The following MIGA2 variants were observed in gnomAD, a reference collection of about 807,000 sequenced individuals.
MIGA2 encodes the protein mitoguardin 2, also known as family with sequence similarity 73, member B.
Under a neutral mutation model 69.9 loss-of-function variants are expected in MIGA2, and 36 were observed. That is an observed-to-expected ratio of 0.52 (90% CI 0.39 to 0.68). The LOEUF (loss-of-function observed/expected upper bound fraction) is 0.68, where lower values mean the gene tolerates loss of function less well. MIGA2 is among the 30% of genes least tolerant of loss of function. The probability of loss-of-function intolerance (pLI) is 0.00; values close to 1 mark genes in which losing one functional copy is unlikely to be tolerated. For missense variants in MIGA2, 660 were observed against 787.7 expected (o/e 0.84, Z 1.94); for synonymous variants, 333 against 349.2 (o/e 0.95, Z 0.52).
Position 129,063,607 on chromosome 9 carries a change from A to G in MIGA2, c.1146A>G (p.Thr382=), listed in dbSNP as rs1178408205. Residue 382 remains threonine, a synonymous_variant, in exon 11 of 16, where the codon ACA becomes ACG. Transcript: ENST00000684074. Reference sequence around the variant, plus strand: ...GGAAAGTGGGCCGACAGATGGTGACAGGCCTGATGACCAAGGCTGAGAAGG... The same window carrying G: ...GGAAAGTGGGCCGACAGATGGTGACGGGCCTGATGACCAAGGCTGAGAAGG... The part of the protein sequence containing the change: ...FFGKVGRQMV[T]GLMTKAEKSP... The G allele has an allele frequency of 1.5e-6, 2 of 1,350,336 alleles. No individual in the cohort carries two copies. Among genetic ancestry groups the G allele is most frequent in the African/African-American group, 1.7e-5 (1 of 58,824 alleles). The allele number at this position is 1,350,336 out of a possible 1,614,324, so 83.6% of individuals were successfully genotyped here.
At chr9:129,043,193 CA>C (rs369584721) in intron 3 of MIGA2, among the ~76,000 whole-genome samples, 186 of 130,750 alleles carry the variant, frequency 1.4e-3, no homozygotes, top group African/African-American at 1.3e-3. Context: ...GACTCCGTCT[CA>C]AAAAAAAAAA....
At position 129,040,570 on chromosome 9, in the gene MIGA2, CT is replaced by C; in HGVS notation, c.-22del. The C allele has an allele frequency of 6.2e-7, 1 of 1,602,592 alleles. No homozygotes were observed. Among genetic ancestry groups the C allele is most frequent in the Non-Finnish European group, 8.5e-7 (1 of 1,171,922 alleles). ...CCTTGGAAGCTCTTGGCCCTGAGGA[CT>C]TTGCCTGGGGCATTGGCCCTGCCAT... On this transcript the variant is annotated 5_prime_UTR_variant, in exon 2 of 16. Transcript: ENST00000684074.
At chr9:129,042,640 G>C in intron 3 of MIGA2, 126 bp downstream of exon 3, 1 of 979,334 alleles carries the variant, frequency 1.0e-6, no homozygotes, top group South Asian at 1.6e-5. Context: ...AAGGTCTCCT[G>C]ATCTGTGAGC....
rs1845954180 is a variant in MIGA2, at chr9:129,059,432, T to C, written c.793+161T>C. Among the ~76,000 whole-genome samples, 1 of 152,162 alleles carries C rather than the reference T, an allele frequency of 6.6e-6. No homozygotes were observed. Among genetic ancestry groups the C allele is most frequent in the African/African-American group, 2.4e-5 (1 of 41,430 alleles). ...GTGATCCAGCACCTTATGGCACAGA[T>C]GGGGAAACTGAGGTGTTCCCTTCTC... On this transcript the variant is annotated intron_variant, in intron 7 of 15. Coordinates refer to ENST00000684074, the MANE Select transcript of MIGA2 (RefSeq NM_001329990.2). This position sits in a 1 kb window ranked among gnomAD's most constrained non-coding sequence, Gnocchi z 5.6.
intron 6 of MIGA2, among the ~76,000 whole-genome samples, chr9:129,058,649 G>A (rs1043941569): frequency 6.6e-6 from 1 of 151,710 alleles, no homozygotes; most frequent in Non-Finnish European, 1.5e-5. Flanking sequence ...ATAGACACCC[G>A]CCACCACACC....
rs1455286429 is a variant in MIGA2 at position 129,055,741 on chromosome 9, C to T, written c.676-3413C>T. Among the ~76,000 whole-genome samples the T allele has an allele frequency of 2.0e-5, 3 of 151,598 alleles. No individual in the cohort carries two copies. The East Asian group carries it at 5.8e-4, about 29-fold the overall frequency. ...GCGGGCACCTGTAGTCCCAGCTACT[C>T]AGGAGGCTGAGGCAGGAGAATGGCA... On this transcript the variant is annotated intron_variant, in intron 6 of 15. Coordinates refer to ENST00000684074, the MANE Select transcript of MIGA2 (RefSeq NM_001329990.2).
chr9:129,068,445 T>C lies in MIGA2; in HGVS notation c.1404+113T>C. 6.9e-7 allele frequency: 1 copy of C among 1,441,970 alleles called. No individual in the cohort carries two copies. Among genetic ancestry groups the C allele is most frequent in the East Asian group, 2.5e-5 (1 of 40,588 alleles). The allele number at this position is 1,441,970 out of a possible 1,614,324, so 89.3% of individuals were successfully genotyped here. On this transcript the variant is annotated intron_variant, in intron 13 of 15. Transcript: ENST00000684074. The surrounding 1 kb of genome is among the most constrained non-coding windows in gnomAD (Gnocchi z 4.1). ...GCACCAGGGCTGGGCCCCCACCCCC[T>C]AGATCCGCGGCTGCCAGGCCTGGGA...
chr9:129,060,660 G>C lies in MIGA2; in HGVS notation c.894+10G>C, dbSNP rs1336768516. The C allele has an allele frequency of 5.1e-6, 8 of 1,571,482 alleles. No homozygotes were observed. Among genetic ancestry groups the C allele is most frequent in the Non-Finnish European group, 6.0e-6 (7 of 1,157,646 alleles). ...CTTCTCCGCCACCGAGGTGACTCGG[G>C]GTGGGGACCAAGCCTGGGGTGGGGT... is the stretch of plus-strand genomic sequence containing the variant. On this transcript the variant is annotated intron_variant, in intron 8 of 15. Coordinates refer to ENST00000684074, the MANE Select transcript of MIGA2 (RefSeq NM_001329990.2). This position sits in a 1 kb window ranked among gnomAD's most constrained non-coding sequence, Gnocchi z 4.8.
chr9:129,063,755 G>A (rs1846192711), intron 11 of MIGA2, 124 bp downstream of exon 11: 1 of 858,276 alleles, frequency 1.2e-6, no homozygotes, highest in South Asian at 1.7e-5. Flanking sequence ...ACTCCGTTCT[G>A]TAGACTCTGC....
chr9:129,042,390 T>C lies in MIGA2; in HGVS notation c.183T>C (p.Ala61=). Residue 61 remains alanine, a synonymous_variant, in exon 3 of 16, where the codon GCT becomes GCC. Coordinates refer to ENST00000684074, the MANE Select transcript of MIGA2 (RefSeq NM_001329990.2). ...TGGGGACTGTGGCCCTGGCCCTGGC[T>C]GCCCACCAGCTGAAGAGGCGACGGA... ...TALGTVALAL[A]AHQLKRRRRR... is the part of the protein sequence containing the mutation. The C allele has an allele frequency of 6.2e-7, 1 of 1,613,838 alleles. No homozygotes were observed. The highest frequency in any genetic ancestry group is 8.5e-7 in the Non-Finnish European group (1 of 1,180,042).
rs764004271 is a variant in MIGA2, at chr9:129,061,284, C to T, written c.948C>T (p.Ala316=). The change falls in exon 9 of 16, where the codon GCC becomes GCT. Residue 316 remains alanine (A), a synonymous_variant. Transcript: ENST00000684074. The surrounding 1 kb of genome is among the most constrained non-coding windows in gnomAD (Gnocchi z 5.0). ...GDYPIPLSRP[A]AAYEEALQLV... Reference sequence around the variant, plus strand: ...ACCCGATCCCACTCTCCAGACCCGCCGCTGCCTATGAGGAGGCCCTGCAGC... The same window carrying T: ...ACCCGATCCCACTCTCCAGACCCGCTGCTGCCTATGAGGAGGCCCTGCAGC... 27 of 1,611,828 alleles carry T rather than the reference C, an allele frequency of 1.7e-5. No individual in the cohort carries two copies. In the South Asian group the frequency reaches 2.4e-4, roughly 14 times the overall value.
rs1308613092 is a variant in MIGA2, at chr9:129,060,006, G to A, written c.794-544G>A. ...GCAGAAAGGGCTGGGGGACCTTTAG[G>A]GTGGCCCGCCGCAGGTCTGTGGCCT... is the stretch of plus-strand genomic sequence containing the variant. On this transcript the variant is annotated intron_variant, in intron 7 of 15. Coordinates refer to ENST00000684074, the MANE Select transcript of MIGA2 (RefSeq NM_001329990.2). The surrounding 1 kb of genome is among the most constrained non-coding windows in gnomAD (Gnocchi z 4.8). Among the ~76,000 whole-genome samples the A allele has an allele frequency of 6.6e-6, 1 of 152,140 alleles. No homozygotes were observed. The highest frequency in any genetic ancestry group is 2.4e-5 in the African/African-American group (1 of 41,432).
Position 129,042,323 on chromosome 9 carries a change from G to T in MIGA2, c.116G>T (p.Arg39Leu). The change falls in exon 3 of 16, where the codon CGG (arginine) becomes CTG (leucine). Residue 39 changes from arginine to leucine, a missense_variant. Physicochemically the swap from Arg to Leu is moderately radical, Grantham distance 102 (BLOSUM62 -2). This residue lies in a region of MIGA2 where 54 missense variants were observed against 84.0 expected (regional missense o/e 0.64). Coordinates refer to ENST00000684074, the MANE Select transcript of MIGA2 (RefSeq NM_001329990.2). ...TFGQSAFSQL[R>L]LTPGLRKVLF... ...CTGCAGTCTGCATTCTCCCAGCTAC[G>T]GTTGACGCCAGGCCTGCGGAAAGTC... is the stretch of plus-strand genomic sequence containing the variant. The T allele has an allele frequency of 1.9e-6, 3 of 1,612,418 alleles. No homozygotes were observed. The highest frequency in any genetic ancestry group is 8.5e-7 in the Non-Finnish European group (1 of 1,179,970).
intron 6 of MIGA2, among the ~76,000 whole-genome samples, chr9:129,053,177 C>T (rs370197408): frequency 5.3e-5 from 8 of 152,016 alleles, no homozygotes; most frequent in Non-Finnish European, 7.4e-5. Flanking sequence ...GGAGCACTGG[C>T]GCTCTGTGGG....
At position 129,061,373 on chromosome 9, in the gene MIGA2, A is replaced by G; in HGVS notation, c.1010+27A>G. The G allele has an allele frequency of 1.8e-6, 1 of 557,110 alleles. No individual in the cohort carries two copies. The highest frequency in any genetic ancestry group is 3.5e-6 in the Non-Finnish European group (1 of 284,930). The allele number at this position is 557,110 out of a possible 1,614,324, so 34.5% of individuals were successfully genotyped here. A position where few individuals can be genotyped will look rare whatever the true frequency, so the allele number is the denominator to read the frequency against. Reference sequence around the variant, plus strand: ...TGAGCAGGTGTGGAGGGAGGGAGGGAGGGAGCAGGAGGCGATGGGTGATTC... The same window carrying G: ...TGAGCAGGTGTGGAGGGAGGGAGGGGGGGAGCAGGAGGCGATGGGTGATTC... On this transcript the variant is annotated intron_variant, in intron 9 of 15. Transcript: ENST00000684074. The surrounding 1 kb of genome is among the most constrained non-coding windows in gnomAD (Gnocchi z 5.0).
At chr9:129,039,480 T>C (rs1430568482) in intron 1 of MIGA2, among the ~76,000 whole-genome samples, 1 of 151,606 alleles carries the variant, frequency 6.6e-6, no homozygotes. Context: ...CTCCTGACCT[T>C]GTGATCCTCC....
At chr9:129,057,816 G>A (rs1845873048) in intron 6 of MIGA2, among the ~76,000 whole-genome samples, 1 of 151,798 alleles carries the variant, frequency 6.6e-6, no homozygotes, top group African/African-American at 2.4e-5. Context: ...ATGTTGCCTA[G>A]GCTGGTCTCA....
rs368715541 is a variant in MIGA2, at chr9:129,042,379, C to G, written c.172C>G (p.Leu58Val). The G allele has an allele frequency of 5.8e-5, 94 of 1,613,620 alleles. No homozygotes were observed. The highest frequency in any genetic ancestry group is 7.9e-5 in the Non-Finnish European group (93 of 1,180,056). Residue 58 changes from leucine (L) to valine (V), a missense_variant, in exon 3 of 16, where the codon CTG (leucine) becomes GTG (valine). By Grantham distance (32) the Leu-to-Val change is conservative. Transcript: ENST00000684074. ...LFATALGTVA[L>V]ALAAHQLKRR... The stretch of plus-strand genomic sequence containing the variant: ...TGCCACGGCCCTGGGGACTGTGGCC[C>G]TGGCCCTGGCTGCCCACCAGCTGAA...
At position 129,068,090 on chromosome 9, in the gene MIGA2, A is replaced by G. The variant is rs776757833; in HGVS notation, c.1270-108A>G. 6.8e-7 allele frequency: 1 copy of G among 1,479,780 alleles called. No homozygotes were observed. The highest frequency in any genetic ancestry group is 9.4e-7 in the Non-Finnish European group (1 of 1,060,504). The allele number at this position is 1,479,780 out of a possible 1,614,324, so 91.7% of individuals were successfully genotyped here. A position where few individuals can be genotyped will look rare whatever the true frequency, so the allele number is the denominator to read the frequency against. On this transcript the variant is annotated intron_variant, in intron 12 of 15. Coordinates refer to ENST00000684074, the MANE Select transcript of MIGA2 (RefSeq NM_001329990.2). This position sits in a 1 kb window ranked among gnomAD's most constrained non-coding sequence, Gnocchi z 4.1. ...AGAGCGGGAAAGACGTGTCCCCCCCACGTGTGCTCATGCCCTGGACCCCAG... is the reference window on the plus strand; with the variant it reads ...AGAGCGGGAAAGACGTGTCCCCCCCGCGTGTGCTCATGCCCTGGACCCCAG...
Sources: allele counts gnomAD v4.1 joint callset (sites outside exome capture counted in the v4.1 genomes callset), GRCh38; gene constraint gnomAD v4.1.1; regional missense constraint gnomAD v4.1.1; non-coding constraint Gnocchi (gnomAD v3.1); transcripts MANE v1.5; gene names NCBI Gene and HGNC (gene_info 2026-07-23, HGNC 2026-07-21).